MAP4K4: variants seen among roughly 807,000 people sequenced by gnomAD.
The protein encoded by MAP4K4 is HPK/GCK-like kinase HGK.
In MAP4K4, 38 loss-of-function variants were observed where a neutral mutation model predicts 189.6. The ratio of observed to expected loss-of-function variants is 0.20; its 90% CI spans 0.15 to 0.26. The LOEUF is 0.26. MAP4K4 is among the 10% of genes least tolerant of loss of function. The probability of loss-of-function intolerance (pLI) is 1.00; values close to 1 mark genes in which losing one functional copy is unlikely to be tolerated. For missense variants in MAP4K4, 1,054 were observed against 1,726.9 expected, an observed-to-expected ratio of 0.61 and a Z score of 6.91; for synonymous variants, 610 against 624.3, an observed-to-expected ratio of 0.98 and a Z score of 0.34.
At chr2:101,894,338 T>C (rs550347305) in exon 33 of MAP4K4, 2 of 152,722 alleles carry the variant, frequency 1.3e-5, no homozygotes, top group African/African-American at 4.8e-5. Flanking sequence ...GTGCAGTGTT[T>C]TTTACTCTTT....
intron 18 of MAP4K4, among the ~76,000 whole-genome samples, 187 bp from the exon 19 acceptor site, chr2:101,866,241 C>T (rs549456942): frequency 1.3e-5 from 2 of 152,174 alleles, no homozygotes; most frequent in African/African-American, 2.4e-5. Context: ...AACTAAAAAT[C>T]GATAAAAATC....
At chr2:101,859,912 A>AT in intron 15 of MAP4K4, 48 bp downstream of exon 15, 3 of 1,511,734 alleles carry the variant, frequency 2.0e-6, no homozygotes, top group Non-Finnish European at 1.8e-6. Flanking sequence ...AAAGTCGTAT[A>AT]ACGACTCTTC....
At chr2:101,844,764 G>A (rs2097039932) in intron 12 of MAP4K4, among the ~76,000 whole-genome samples, 2 of 150,600 alleles carry the variant, frequency 1.3e-5, no homozygotes, top group Non-Finnish European at 3.0e-5. Context: ...TTTTCTAAAT[G>A]CCTTAACCTT....
intron 2 of MAP4K4, among the ~76,000 whole-genome samples, chr2:101,753,013 A>G (rs115038340): frequency 1.6e-4 from 25 of 152,378 alleles, no homozygotes; most frequent in African/African-American, 5.5e-4. Context: ...AAATGATGAC[A>G]GTAACAATAG....
chr2:101,718,806 T>C (rs1050742035), intron 2 of MAP4K4, among the ~76,000 whole-genome samples: 1 of 152,202 alleles, frequency 6.6e-6, no homozygotes, highest in Non-Finnish European at 1.5e-5. Flanking sequence ...TCAGTGCATC[T>C]GGGAATCTGC....
intron 12 of MAP4K4, among the ~76,000 whole-genome samples, chr2:101,847,389 A>G (rs930603750): frequency 1.3e-5 from 2 of 152,234 alleles, no homozygotes; most frequent in African/African-American, 4.8e-5. Flanking sequence ...GGAGGATTCC[A>G]GAAGAAGGCA....
chr2:101,701,914 G>T (rs1381655670), intron 2 of MAP4K4, among the ~76,000 whole-genome samples: 5 of 152,162 alleles, frequency 3.3e-5, no homozygotes, highest in African/African-American at 1.2e-4. Context: ...TGCCCAGGCT[G>T]GAGTGCAGTG....
chr2:101,700,065 A>G (rs1437634785), intron 2 of MAP4K4, among the ~76,000 whole-genome samples: 4 of 152,206 alleles, frequency 2.6e-5, no homozygotes, highest in Admixed American at 2.0e-4. Context: ...TAGTCTTCCA[A>G]GTGAATTAGC....
At chr2:101,786,877 C>G (rs778871585) in intron 2 of MAP4K4, among the ~76,000 whole-genome samples, 4 of 152,166 alleles carry the variant, frequency 2.6e-5, no homozygotes, top group Non-Finnish European at 5.9e-5. Flanking sequence ...CACTAATTGT[C>G]TTATAAACAC....
intron 23 of MAP4K4, among the ~76,000 whole-genome samples, chr2:101,871,008 G>T (rs1338900792): frequency 6.6e-6 from 1 of 152,118 alleles, no homozygotes; most frequent in Admixed American, 6.5e-5. Context: ...TCATTTCTTA[G>T]CTTAGACTTA....
chr2:101,740,662 G>A (rs2062332555), intron 2 of MAP4K4, among the ~76,000 whole-genome samples: 1 of 152,116 alleles, frequency 6.6e-6, no homozygotes, highest in Admixed American at 6.5e-5. Flanking sequence ...AAGACAGAAA[G>A]CAATGTTGAC....
intron 2 of MAP4K4, among the ~76,000 whole-genome samples, chr2:101,741,429 A>G (rs1484211415): frequency 1.3e-5 from 2 of 151,908 alleles, no homozygotes; most frequent in Non-Finnish European, 2.9e-5. Flanking sequence ...CAGCCTCCCA[A>G]AGTGCTGGGA....
exon 29 of MAP4K4, chr2:101,885,216 A>G: frequency 6.2e-7 from 1 of 1,604,986 alleles, no homozygotes; most frequent in Non-Finnish European, 8.5e-7. Context: ...ATTTCTGGTG[A>G]TTGCTTTGAA....
intron 2 of MAP4K4, among the ~76,000 whole-genome samples, chr2:101,701,173 T>C (rs2038438421): frequency 6.6e-6 from 1 of 152,226 alleles, no homozygotes; most frequent in African/African-American, 2.4e-5. Flanking sequence ...TGTCATATTT[T>C]CTATTTTTCA....
intron 12 of MAP4K4, among the ~76,000 whole-genome samples, chr2:101,844,982 G>C (rs1043963482): frequency 2.6e-5 from 4 of 152,002 alleles, no homozygotes; most frequent in Non-Finnish European, 4.4e-5. Flanking sequence ...GGAAACACGG[G>C]AAGAGTGCCG....
At chr2:101,881,703 C>G (rs2098396424) in intron 27 of MAP4K4, among the ~76,000 whole-genome samples, 2 of 152,184 alleles carry the variant, frequency 1.3e-5, no homozygotes, top group Admixed American at 1.3e-4. Context: ...AGTTCCCCCT[C>G]TATTCCTATT....
At chr2:101,710,738 A>T (rs1276909273) in intron 2 of MAP4K4, among the ~76,000 whole-genome samples, 1 of 152,226 alleles carries the variant, frequency 6.6e-6, no homozygotes, top group East Asian at 1.9e-4. Flanking sequence ...GTGAAGCTTT[A>T]TGATTTCAAT....
intron 2 of MAP4K4, among the ~76,000 whole-genome samples, chr2:101,737,390 C>T (rs1169358095): frequency 1.5e-5 from 2 of 132,330 alleles, no homozygotes; most frequent in Admixed American, 8.3e-5. Flanking sequence ...CAGTATTGCT[C>T]CAGATTACTT....
intron 27 of MAP4K4, among the ~76,000 whole-genome samples, chr2:101,878,159 A>G (rs926857132): frequency 1.3e-5 from 2 of 152,250 alleles, no homozygotes; most frequent in African/African-American, 2.4e-5. Context: ...CAGAGATCAT[A>G]TCTTTTAACT....
Sources: gnomAD v4.1 joint callset for allele counts (sites outside exome capture counted in the v4.1 genomes callset) on GRCh38, gnomAD v4.1.1 for gene constraint, MANE v1.5 for transcripts, NCBI Gene and HGNC (gene_info 2026-07-23, HGNC 2026-07-21) for gene names.